EFCAB6: variants seen among roughly 807,000 people sequenced by gnomAD.
EFCAB6 encodes the protein EF-hand calcium binding domain 6, also known as EF-hand calcium-binding domain-containing protein 6.
Under a neutral mutation model 169.8 loss-of-function variants are expected in EFCAB6, and 156 were observed. The ratio of observed to expected loss-of-function variants is 0.92; its 90% confidence interval spans 0.81 to 1.05. EFCAB6 has a LOEUF of 1.05. Among genes scored for constraint, EFCAB6 ranks in the 50% least tolerant of loss-of-function variants. The probability of loss-of-function intolerance (pLI) is 0.00; values close to 1 mark genes in which losing one functional copy is unlikely to be tolerated. For missense variants in EFCAB6, 1,800 were observed against 1,829.1 expected (o/e 0.98, Z 0.29); for synonymous variants, 698 against 676.4 (o/e 1.03, Z -0.50).
Position 43,735,886 on chromosome 22 carries a change from A to G in EFCAB6, c.615T>C (p.Cys205=), listed in dbSNP as rs754885196. ...CGTATTCCTCGTCTCTTAACTTCATACAGAAGGTCTCCAGAACCCTTCTTA... is the reference window on the plus strand; with the variant it reads ...CGTATTCCTCGTCTCTTAACTTCATGCAGAAGGTCTCCAGAACCCTTCTTA... The part of the protein sequence containing the change: ...QELRRVLETF[C]MKLRDEEYEK... The change falls in exon 7 of 32, where the codon TGT becomes TGC. Residue 205 remains cysteine (C), a synonymous_variant. Coordinates refer to ENST00000262726, the MANE Select transcript of EFCAB6 (RefSeq NM_022785.4). 4 of 1,613,998 alleles carry G rather than the reference A, an allele frequency of 2.5e-6. No homozygotes were observed.
At chr22:43,789,564 C>T (rs79944884) in intron 2 of EFCAB6, among the ~76,000 whole-genome samples, 13,349 of 152,214 alleles carry the variant, frequency 0.088, 742 homozygotes, top group South Asian at 0.17. Flanking sequence ...AGGCTCACGC[C>T]CCCACTGTCA....
chr22:43,571,936 G>A lies in EFCAB6; in HGVS notation c.3420+4361C>T, dbSNP rs545092620. Among the ~76,000 whole-genome samples, 3 of 152,244 alleles carry A rather than the reference G, an allele frequency of 2.0e-5. No homozygotes were observed. The South Asian group carries it at 6.2e-4, about 32-fold the overall frequency. Reference sequence around the variant, plus strand: ...CCTCCTGGTAAATGCATGCTTTTCCGATTTGTCTGAGCTCAGGTGTTAGCT... The same window carrying A: ...CCTCCTGGTAAATGCATGCTTTTCCAATTTGTCTGAGCTCAGGTGTTAGCT... On this transcript the variant is annotated intron_variant, in intron 26 of 31. Coordinates refer to ENST00000262726, the MANE Select transcript of EFCAB6 (RefSeq NM_022785.4).
At chr22:43,658,186 C>T (rs111363655) in intron 17 of EFCAB6, among the ~76,000 whole-genome samples, 18,218 of 152,008 alleles carry the variant, frequency 0.12, 1,290 homozygotes, top group Middle Eastern at 0.18. Flanking sequence ...GAGTAGAGAT[C>T]GTGCCACTTC....
chr22:43,642,670 T>G (rs1243289212), intron 17 of EFCAB6, among the ~76,000 whole-genome samples: 2 of 152,180 alleles, frequency 1.3e-5, no homozygotes, highest in African/African-American at 4.8e-5. Flanking sequence ...AACGGAAAAT[T>G]CAAACTCTTT....
chr22:43,630,786 G>C (rs1304564948), intron 19 of EFCAB6, among the ~76,000 whole-genome samples: 1 of 152,192 alleles, frequency 6.6e-6, no homozygotes, highest in African/African-American at 2.4e-5. Context: ...CCTCCTCCAC[G>C]CTGGAGCCCA....
chr22:43,575,880 T>C (rs1055171494), intron 26 of EFCAB6, among the ~76,000 whole-genome samples: 2 of 152,158 alleles, frequency 1.3e-5, no homozygotes, highest in East Asian at 1.9e-4. Context: ...TTAATATATA[T>C]ACAAAGGACT....
At chr22:43,587,516 G>A (rs1457750903) in intron 24 of EFCAB6, among the ~76,000 whole-genome samples, 3 of 152,158 alleles carry the variant, frequency 2.0e-5, no homozygotes, top group African/African-American at 7.2e-5. Flanking sequence ...GCTTCTGGGA[G>A]CAGTTGGCAG....
At chr22:43,678,195 T>TCA in intron 12 of EFCAB6, 32 bp from the exon 13 acceptor site, 1 of 1,397,920 alleles carries the variant, frequency 7.2e-7, no homozygotes, top group Non-Finnish European at 9.5e-7. Flanking sequence ...AGGGAATTTT[T>TCA]GAAAAAAAAA....
At chr22:43,569,908 C>A (rs2049732188) in intron 26 of EFCAB6, among the ~76,000 whole-genome samples, 1 of 152,208 alleles carries the variant, frequency 6.6e-6, no homozygotes, top group African/African-American at 2.4e-5. Context: ...AATTTATTTA[C>A]AATTATCTTA....
chr22:43,704,849 T>C (rs970982924), intron 10 of EFCAB6, among the ~76,000 whole-genome samples: 76 of 151,944 alleles, frequency 5.0e-4, no homozygotes, highest in Admixed American at 4.9e-3. Context: ...AGAAAATGCC[T>C]ACAAAACAAC....
At chr22:43,564,269 G>A (rs1426782650) in intron 26 of EFCAB6, among the ~76,000 whole-genome samples, 3 of 151,722 alleles carry the variant, frequency 2.0e-5, no homozygotes, top group South Asian at 2.1e-4. Context: ...CCAACATGGC[G>A]AAACCCCATC....
chr22:43,722,740 C>A (rs1432337479), intron 8 of EFCAB6, among the ~76,000 whole-genome samples: 3 of 152,092 alleles, frequency 2.0e-5, no homozygotes, highest in African/African-American at 7.2e-5. Context: ...ATTATGCCAA[C>A]AACACATGCA....
At chr22:43,770,869 T>C (rs2061446523) in intron 4 of EFCAB6, among the ~76,000 whole-genome samples, 1 of 151,422 alleles carries the variant, frequency 6.6e-6, no homozygotes, top group African/African-American at 2.4e-5. Flanking sequence ...TGAAACAGAA[T>C]ATGGTATGCA....
At position 43,635,304 on chromosome 22, in the gene EFCAB6, C is replaced by A. The variant is rs2055305087; in HGVS notation, c.1984-88G>T. 6 of 933,672 alleles carry A rather than the reference C, an allele frequency of 6.4e-6. No homozygotes were observed. In the Admixed American group the frequency reaches 1.1e-4, roughly 17 times the overall value. The allele number at this position is 933,672 out of a possible 1,614,324, so 57.8% of individuals were successfully genotyped here. On this transcript the variant is annotated intron_variant, in intron 17 of 31. Coordinates refer to ENST00000262726, the MANE Select transcript of EFCAB6 (RefSeq NM_022785.4). Reference sequence around the variant, plus strand: ...AGCACCTCCTGCCCCTGTGCTGGCTCACAGCAGGGCTCATGATTGTTATTT... The same window carrying A: ...AGCACCTCCTGCCCCTGTGCTGGCTAACAGCAGGGCTCATGATTGTTATTT...
Position 43,571,107 on chromosome 22 carries a change from C to T in EFCAB6, c.3420+5190G>A, listed in dbSNP as rs574248922. Among the ~76,000 whole-genome samples the T allele has an allele frequency of 1.1e-4, 17 of 152,334 alleles. No homozygotes were observed. In the South Asian group the frequency reaches 1.9e-3, roughly 17 times the overall value. ...GTGAGAAGAGCTCAGATCATTTTCA[C>T]GTGCTGCTGTGACAGGCAGAGGAGG... On this transcript the variant is annotated intron_variant, in intron 26 of 31. Coordinates refer to ENST00000262726, the MANE Select transcript of EFCAB6 (RefSeq NM_022785.4).
rs193161789 is a variant in EFCAB6, at chr22:43,701,345, T to A, written c.1031+10130A>T. On this transcript the variant is annotated intron_variant, in intron 10 of 31. Transcript: ENST00000262726. ...CCTTCTTAGGAGATGACATTATTAG[T>A]CATAAGTCCTCAACAATCACCATCT... 3.9e-5 allele frequency among the ~76,000 whole-genome samples: 6 copies of A among 152,322 alleles called. No homozygotes were observed. The East Asian group carries it at 1.2e-3, about 29-fold the overall frequency.
chr22:43,584,633 G>C (rs1272130648), intron 24 of EFCAB6, among the ~76,000 whole-genome samples: 1 of 152,066 alleles, frequency 6.6e-6, no homozygotes, highest in East Asian at 1.9e-4. Flanking sequence ...TTAGCTTTAG[G>C]GGAAGGGCAA....
chr22:43,542,250 A>C (rs1443405199), intron 27 of EFCAB6, among the ~76,000 whole-genome samples: 7 of 152,214 alleles, frequency 4.6e-5, no homozygotes, highest in Non-Finnish European at 1.0e-4. Context: ...TCCTCTTCTA[A>C]CAGGGTGGCT....
chr22:43,693,923 G>T (rs1048512415), intron 10 of EFCAB6, among the ~76,000 whole-genome samples: 2 of 151,550 alleles, frequency 1.3e-5, no homozygotes. Flanking sequence ...AAAATAAATC[G>T]AAAGACAGGA....
Sources: allele counts gnomAD v4.1 joint callset (sites outside exome capture counted in the v4.1 genomes callset), GRCh38; gene constraint gnomAD v4.1.1; transcripts MANE v1.5; gene names NCBI Gene and HGNC (gene_info 2026-07-23, HGNC 2026-07-21).